Variants in RSF1 observed in about 807,000 individuals in gnomAD.
RSF1 encodes the protein HBV pX-associated protein 8.
A neutral mutation model predicts 145.2 loss-of-function variants in RSF1; 13 were observed. That is an observed-to-expected ratio of 0.09 (90% confidence interval 0.06 to 0.14). The LOEUF is 0.14. RSF1 is among the 10% of genes least tolerant of loss of function. RSF1 has a pLI of 1.00. For synonymous variants in RSF1, 577 were observed against 592.6 expected (o/e 0.97, Z 0.38); for missense variants, 1,517 against 1,718.2 (o/e 0.88, Z 2.07).
rs760873940 is a variant in RSF1, at chr11:77,676,849, T to C, written c.3284A>G (p.Asp1095Gly). The change falls in exon 13 of 16, where the codon GAC becomes GGC. Residue 1095 changes from aspartate to glycine, a missense_variant. Physicochemically the swap from Asp to Gly is moderately conservative, Grantham distance 94. Around this residue, in one of 12 missense-constraint regions of RSF1, gnomAD observed 231 missense variants for 276.6 expected, o/e 0.84. Coordinates refer to ENST00000308488, the MANE Select transcript of RSF1 (RefSeq NM_016578.4). ...TTCTTCATCCAGGTTGCTATCACTG[T>C]CCAGATCATTTAATCGCCGGCGTTT... Reference protein sequence around the residue: ...RKKRRRLNDLDSDSNLDEEES... With the variant: ...RKKRRRLNDLGSDSNLDEEES... 2 of 1,614,062 alleles carry C rather than the reference T, an allele frequency of 1.2e-6. No individual in the cohort carries two copies. Among genetic ancestry groups the C allele is most frequent in the Admixed American group, 1.7e-5 (1 of 60,016 alleles).
intron 8 of RSF1, among the ~76,000 whole-genome samples, chr11:77,692,088 G>A (rs1410562164): frequency 2.0e-5 from 3 of 151,846 alleles, no homozygotes; most frequent in Non-Finnish European, 4.4e-5. Flanking sequence ...ATGGGATATC[G>A]TCATGTTGGT....
intron 15 of RSF1, among the ~76,000 whole-genome samples, chr11:77,670,542 CTAAAA>C (rs754355484): frequency 3.3e-5 from 5 of 152,246 alleles, no homozygotes; most frequent in African/African-American, 4.8e-5. Context: ...TTCTTCCCAA[CTAAAA>C]TAAGAGTTTC....
chr11:77,790,804 G>A (rs1948509355), intron 1 of RSF1, among the ~76,000 whole-genome samples: 1 of 152,160 alleles, frequency 6.6e-6, no homozygotes, highest in Admixed American at 6.6e-5. Flanking sequence ...CTCATATACA[G>A]GTCACGCTGA....
At chr11:77,857,198 G>T in the RSF1 span, among the ~76,000 whole-genome samples, 1 of 152,208 alleles carries the variant, frequency 6.6e-6, no homozygotes, top group Non-Finnish European at 1.5e-5. Flanking sequence ...TGCCACGGTA[G>T]ATGAACCAAG....
intron 1 of RSF1, among the ~76,000 whole-genome samples, chr11:77,790,504 C>A (rs1948506222): frequency 6.6e-6 from 1 of 152,136 alleles, no homozygotes; most frequent in East Asian, 1.9e-4. Context: ...ACCAAACATG[C>A]CTTCCCAACA....
At chr11:77,696,402 C>T (rs1422611805) in intron 7 of RSF1, among the ~76,000 whole-genome samples, 1 of 152,120 alleles carries the variant, frequency 6.6e-6, no homozygotes, top group East Asian at 1.9e-4. Flanking sequence ...AGGACCATGC[C>T]TTTCTAGCTC....
intron 1 of RSF1, among the ~76,000 whole-genome samples, chr11:77,792,720 G>A (rs1316493801): frequency 6.8e-6 from 1 of 147,836 alleles, no homozygotes; most frequent in Non-Finnish European, 1.5e-5. Flanking sequence ...AGAATGTAAT[G>A]ACATATTCAA....
intron 1 of RSF1, among the ~76,000 whole-genome samples, chr11:77,791,771 G>A (rs540532328): frequency 7.2e-5 from 11 of 152,168 alleles, no homozygotes; most frequent in East Asian, 5.8e-4. Context: ...CCTCTTCTCC[G>A]TCTGAGACCA....
intron 8 of RSF1, among the ~76,000 whole-genome samples, chr11:77,692,797 C>T (rs1960189275): frequency 6.6e-6 from 1 of 151,948 alleles, no homozygotes; most frequent in Non-Finnish European, 1.5e-5. Context: ...CCTGCCTCAG[C>T]CTCCCGAGTA....
upstream of RSF1, among the ~76,000 whole-genome samples, chr11:77,825,279 G>A (rs1949117613): frequency 6.6e-6 from 1 of 151,928 alleles, no homozygotes; most frequent in African/African-American, 2.4e-5. Flanking sequence ...ACCAGGCCTG[G>A]CTGCTTTTTT....
In RSF1 at chr11:77,702,013, A is replaced by G; in HGVS notation, c.1216T>C (p.Ser406Pro). The G allele has an allele frequency of 6.2e-7, 1 of 1,613,914 alleles. No individual in the cohort carries two copies. Among genetic ancestry groups the G allele is most frequent in the Non-Finnish European group, 8.5e-7 (1 of 1,179,938 alleles). The stretch of plus-strand genomic sequence containing the variant: ...AAAAACTCTTTTGTTGGAGTAACTG[A>G]TTTACACAAAGGTCCCTTGACTGGA... ...DSPVKGPLCK[S>P]VTPTKEFLKD... Residue 406 changes from serine to proline, a missense_variant, in exon 6 of 16, where the codon TCA (serine) becomes CCA (proline). Around this residue, in one of 12 missense-constraint regions of RSF1, gnomAD observed 579 missense variants for 553.5 expected, o/e 1.05. Coordinates refer to ENST00000308488, the MANE Select transcript of RSF1 (RefSeq NM_016578.4).
intron 1 of RSF1, among the ~76,000 whole-genome samples, chr11:77,818,517 G>A (rs981631640): frequency 6.6e-6 from 1 of 152,206 alleles, no homozygotes; most frequent in Non-Finnish European, 1.5e-5. Flanking sequence ...AGGCTTGGTG[G>A]CTCACGCCTG....
chr11:77,835,159 C>G, the RSF1 span, among the ~76,000 whole-genome samples: 1 of 152,160 alleles, frequency 6.6e-6, no homozygotes, highest in Non-Finnish European at 1.5e-5. Flanking sequence ...TGACTGTATT[C>G]TAGCAAATAA....
rs564443929 is a variant in RSF1, at chr11:77,765,361, G to C, written c.188-672C>G. On this transcript the variant is annotated intron_variant, in intron 1 of 15. Transcript: ENST00000308488. Reference sequence around the variant, plus strand: ...AACTCTTCCAATCTATCCCTTGTCTGATGTGTTAAACTTCTCTGTAGCATT... The same window carrying C: ...AACTCTTCCAATCTATCCCTTGTCTCATGTGTTAAACTTCTCTGTAGCATT... Among the ~76,000 whole-genome samples, 5 of 152,286 alleles carry C rather than the reference G, an allele frequency of 3.3e-5. No homozygotes were observed. The East Asian group carries it at 9.6e-4, about 29-fold the overall frequency.
At chr11:77,742,778 G>A (rs1947955235) in intron 3 of RSF1, among the ~76,000 whole-genome samples, 1 of 152,272 alleles carries the variant, frequency 6.6e-6, no homozygotes, top group African/African-American at 2.4e-5. Context: ...AATGTCTACT[G>A]AAGTCCTTTG....
At chr11:77,784,024 G>C (rs894922076) in intron 1 of RSF1, among the ~76,000 whole-genome samples, 5 of 152,160 alleles carry the variant, frequency 3.3e-5, no homozygotes, top group Admixed American at 3.3e-4. Flanking sequence ...CTTTAGGTTT[G>C]TTGAGATTAT....
intron 4 of RSF1, among the ~76,000 whole-genome samples, chr11:77,733,365 T>C (rs1463792370): frequency 6.6e-6 from 1 of 151,886 alleles, no homozygotes; most frequent in African/African-American, 2.4e-5. Context: ...TATATATTCT[T>C]TATGAAGTAA....
intron 4 of RSF1, chr11:77,734,735 G>A (rs1240250681): frequency 2.7e-6 from 4 of 1,486,402 alleles, no homozygotes; most frequent in Non-Finnish European, 3.7e-6. Context: ...ATCACATTCA[G>A]CCCGCTCTCC....
intron 7 of RSF1, among the ~76,000 whole-genome samples, chr11:77,694,074 C>T (rs1027236399): frequency 1.3e-4 from 20 of 152,004 alleles, no homozygotes; most frequent in African/African-American, 3.9e-4. Context: ...TGAGCCACCG[C>T]GCCCAGCCCA....
Sources: allele counts gnomAD v4.1 joint callset (sites outside exome capture counted in the v4.1 genomes callset), GRCh38; gene constraint gnomAD v4.1.1; regional missense constraint gnomAD v4.1.1; transcripts MANE v1.5; gene names NCBI Gene and HGNC (gene_info 2026-07-23, HGNC 2026-07-21).